The following GMPR2 variants were observed in gnomAD, a reference collection of about 807,000 sequenced individuals.
GMPR2 encodes guanosine monophosphate reductase 2, also known as GMP reductase 2.
A neutral mutation model predicts 38.5 loss-of-function variants in GMPR2; 32 were observed. The observed-to-expected ratio is 0.83, with a 90% CI of 0.63 to 1.12. The LOEUF (loss-of-function observed/expected upper bound fraction) is 1.12. GMPR2 is among the 50% of genes most tolerant of loss of function. The probability of loss-of-function intolerance (pLI) is 0.00; values close to 1 mark genes in which losing one functional copy is unlikely to be tolerated. For synonymous variants in GMPR2, 154 were observed against 151.0 expected, an observed-to-expected ratio of 1.02 and a Z score of -0.15; for missense variants, 396 against 432.1, an observed-to-expected ratio of 0.92 and a Z score of 0.74.
At chr14:24,236,628 G>A (rs1169288543) in intron 5 of GMPR2, among the ~76,000 whole-genome samples, 1 of 152,188 alleles carries the variant, frequency 6.6e-6, no homozygotes, top group Non-Finnish European at 1.5e-5. Context: ...AAGCCAGACA[G>A]GTTCTATGAC....
rs1406183825 is a variant in GMPR2 at position 24,239,176 on chromosome 14, C to T, written c.*398C>T. 1 of 371,238 alleles carries T rather than the reference C, an allele frequency of 2.7e-6. No individual in the cohort carries two copies. The highest frequency in any genetic ancestry group is 3.6e-5 in the Admixed American group (1 of 27,702). 23.0% of individuals were successfully genotyped at this position (371,238 alleles called of 1,614,324 possible). A position where few individuals can be genotyped will look rare whatever the true frequency, so the allele number is the denominator to read the frequency against. ...TTCACTAAATTGGACCTTCACATAT[C>T]TAAAAAGCTCTGAAGTGTTTGTATA... On this transcript the variant is annotated 3_prime_UTR_variant, in exon 10 of 10. Coordinates refer to ENST00000399440, the MANE Select transcript of GMPR2 (RefSeq NM_001002002.3).
chr14:24,233,821 G>A, intron 3 of GMPR2: 1 of 625,150 alleles, frequency 1.6e-6, no homozygotes, highest in Non-Finnish European at 2.8e-6. Context: ...CGATATTTCT[G>A]ATATATGAAC....
intron 8 of GMPR2, chr14:24,238,037 T>C (rs899139648): frequency 1.3e-5 from 7 of 537,074 alleles, no homozygotes; most frequent in African/African-American, 1.1e-4. Context: ...AGAGGCTCTT[T>C]TTTAAATCTT....
chr14:24,234,591 GATGCTTT>G (rs1344059348), intron 3 of GMPR2, among the ~76,000 whole-genome samples: 1 of 152,208 alleles, frequency 6.6e-6, no homozygotes, highest in Non-Finnish European at 1.5e-5. Flanking sequence ...GGACTGTCTT[GATGCTTT>G]ATGTGGAGCC....
Position 24,238,841 on chromosome 14 carries a change from C to A in GMPR2, c.*63C>A. On this transcript the variant is annotated 3_prime_UTR_variant, in exon 10 of 10. Transcript: ENST00000399440. Reference sequence around the variant, plus strand: ...TACCATGGGGCATCCCAAGTGGGGTCCTCACCCATCCCAGCTACTGCAGCT... The same window carrying A: ...TACCATGGGGCATCCCAAGTGGGGTACTCACCCATCCCAGCTACTGCAGCT... 7.4e-7 allele frequency: 1 copy of A among 1,356,212 alleles called. No homozygotes were observed. Among genetic ancestry groups the A allele is most frequent in the African/African-American group, 1.4e-5 (1 of 70,296 alleles). The allele number at this position is 1,356,212 out of a possible 1,614,324, so 84.0% of individuals were successfully genotyped here. A position where few individuals can be genotyped will look rare whatever the true frequency, so the allele number is the denominator to read the frequency against.
intron 3 of GMPR2, among the ~76,000 whole-genome samples, chr14:24,234,872 T>C (rs1340567062): frequency 6.6e-6 from 1 of 152,060 alleles, no homozygotes; most frequent in Non-Finnish European, 1.5e-5. Flanking sequence ...TTTAGCTAGA[T>C]ATTGTTGATC....
rs756303925 is a variant in GMPR2 at position 24,238,776 on chromosome 14, T to C, written c.1045T>C (p.Ter349GlnextTer2). Residue 349 changes from the stop codon to glutamine, a stop_lost, in exon 10 of 10, where the codon TAG becomes CAG. Coordinates refer to ENST00000399440, the MANE Select transcript of GMPR2 (RefSeq NM_001002002.3). ...GAATCCAATCTTCAGTGAGGCGTGC[T>C]AGACCTGAGCAGTTCTACCCTCCCA... Reference protein sequence around the residue: ...QVNPIFSEAC* With the variant: ...QVNPIFSEACQ The C allele has an allele frequency of 2.2e-5, 36 of 1,611,712 alleles. No homozygotes were observed. In the Admixed American group the frequency reaches 5.8e-4, roughly 26 times the overall value.
Position 24,237,160 on chromosome 14 carries a change from G to A in GMPR2, c.547+8G>A, listed in dbSNP as rs1208967844. ...AAGTGGGAATTGGGCCAGGTAAGCT[G>A]GTTCATTGGGGCCACTGGCTACCCC... On this transcript the variant is annotated splice_region_variant and intron_variant, in intron 6 of 9. Transcript: ENST00000399440. The A allele has an allele frequency of 6.3e-7, 1 of 1,581,562 alleles. No individual in the cohort carries two copies. The highest frequency in any genetic ancestry group is 8.7e-7 in the Non-Finnish European group (1 of 1,150,474).
At chr14:24,233,738 A>T in intron 3 of GMPR2, 140 bp downstream of exon 3, 1 of 912,444 alleles carries the variant, frequency 1.1e-6, no homozygotes, top group Non-Finnish European at 1.8e-6. Flanking sequence ...GGTTTTTTCC[A>T]CTACTGAAGC....
intron 3 of GMPR2, among the ~76,000 whole-genome samples, chr14:24,234,554 C>T (rs773430762): frequency 3.3e-5 from 5 of 152,154 alleles, no homozygotes; most frequent in Admixed American, 1.3e-4. Flanking sequence ...AGTTAACAGG[C>T]GTGCTGTAAT....
intron 3 of GMPR2, 105 bp downstream of exon 3, chr14:24,233,703 T>C: frequency 7.8e-7 from 1 of 1,282,206 alleles, no homozygotes; most frequent in Non-Finnish European, 1.1e-6. Flanking sequence ...CTCTGGCAGT[T>C]AGCAGTCAGG....
At chr14:24,237,186 C>G in intron 6 of GMPR2, 34 bp downstream of exon 6, 2 of 1,532,696 alleles carry the variant, frequency 1.3e-6, no homozygotes, top group South Asian at 1.1e-5. Flanking sequence ...TGGCTACCCC[C>G]CTTCAGTGGC....
intron 1 of GMPR2, 35 bp downstream of exon 1, chr14:24,233,012 T>C (rs1232510606): frequency 1.6e-6 from 1 of 623,998 alleles, no homozygotes; most frequent in Non-Finnish European, 2.8e-6. Context: ...CTCACAACCC[T>C]TTCCCAGCTC....
In GMPR2 at chr14:24,238,117, G is replaced by A. The variant is rs904709860; in HGVS notation, c.698-129G>A. 9 of 809,240 alleles carry A rather than the reference G, an allele frequency of 1.1e-5. No individual in the cohort carries two copies. In the Admixed American group the frequency reaches 1.9e-4, roughly 17 times the overall value. The allele number at this position is 809,240 out of a possible 1,614,324, so 50.1% of individuals were successfully genotyped here. On this transcript the variant is annotated intron_variant, in intron 8 of 9. Coordinates refer to ENST00000399440, the MANE Select transcript of GMPR2 (RefSeq NM_001002002.3). ...GCCTGCGTGGATTGTGGGTCAGCTA[G>A]GGAAGCAGAAGGAGGAAGACGCTGG...
chr14:24,233,486 T>C lies in GMPR2; in HGVS notation c.95T>C (p.Leu32Pro). 1 of 1,613,778 alleles carries C rather than the reference T, an allele frequency of 6.2e-7. No homozygotes were observed. Among genetic ancestry groups the C allele is most frequent in the African/African-American group, 1.3e-5 (1 of 75,018 alleles). The stretch of plus-strand genomic sequence containing the variant: ...TCCTGTTCATATCTGCAGGTGGATC[T>C]CACAAGATCCTTTTCATTTCGGAAC... ...STLKSRSEVD[L>P]TRSFSFRNSK... is the part of the protein sequence containing the mutation. Residue 32 changes from leucine to proline, a missense_variant, in exon 3 of 10, where the codon CTC becomes CCC. Physicochemically the swap from Leu to Pro is moderately conservative, Grantham distance 98. Coordinates refer to ENST00000399440, the MANE Select transcript of GMPR2 (RefSeq NM_001002002.3).
Position 24,234,026 on chromosome 14 carries a change from TATTA to T in GMPR2, c.207+432_207+435del, listed in dbSNP as rs1382606271. 40 of 1,089,090 alleles carry T rather than the reference TATTA, an allele frequency of 3.7e-5. No homozygotes were observed. The African/African-American group carries it at 5.0e-4, about 14-fold the overall frequency. The allele number at this position is 1,089,090 out of a possible 1,614,324, so 67.5% of individuals were successfully genotyped here. On this transcript the variant is annotated intron_variant, in intron 3 of 9. Transcript: ENST00000399440. ...CTAGAAGATCCTAGGAGAAGCAGCT[TATTA>T]ATTTTCTTTAATAAGAACAATTCAT...
chr14:24,238,869 G>C lies in GMPR2; in HGVS notation c.*91G>C. On this transcript the variant is annotated 3_prime_UTR_variant, in exon 10 of 10. Coordinates refer to ENST00000399440, the MANE Select transcript of GMPR2 (RefSeq NM_001002002.3). Reference sequence around the variant, plus strand: ...CACCCATCCCAGCTACTGCAGCTCTGTATTACTTTGTCATTTCCTGTTGTC... The same window carrying C: ...CACCCATCCCAGCTACTGCAGCTCTCTATTACTTTGTCATTTCCTGTTGTC... 2 of 1,042,332 alleles carry C rather than the reference G, an allele frequency of 1.9e-6. No individual in the cohort carries two copies. The highest frequency in any genetic ancestry group is 2.9e-6 in the Non-Finnish European group (2 of 684,054). 64.6% of individuals were successfully genotyped at this position (1,042,332 alleles called of 1,614,324 possible).
chr14:24,238,668 C>T lies in GMPR2; in HGVS notation c.937C>T (p.Arg313Cys), dbSNP rs190855112. The change falls in exon 10 of 10, where the codon CGC becomes TGC. Residue 313 changes from arginine (R) to cysteine (C), a missense_variant. Transcript: ENST00000399440. ...CATCCGAGACATCCTAGGAGGGATC[C>T]GCTCTACGTGTACCTATGTGGGAGC... is the stretch of plus-strand genomic sequence containing the variant. Reference protein sequence around the residue: ...HTIRDILGGIRSTCTYVGAAK... With the variant: ...HTIRDILGGICSTCTYVGAAK... The T allele has an allele frequency of 4.6e-5, 75 of 1,613,752 alleles. No individual in the cohort carries two copies. Among genetic ancestry groups the T allele is most frequent in the Middle Eastern group, 3.3e-4 (2 of 6,062 alleles).
At chr14:24,238,035 T>G in intron 8 of GMPR2, 1 of 536,728 alleles carries the variant, frequency 1.9e-6, no homozygotes, top group Non-Finnish European at 3.3e-6. Context: ...CCAGAGGCTC[T>G]TTTTTAAATC....
Sources: allele counts gnomAD v4.1 joint callset (sites outside exome capture counted in the v4.1 genomes callset), GRCh38; gene constraint gnomAD v4.1.1; transcripts MANE v1.5; gene names NCBI Gene and HGNC (gene_info 2026-07-23, HGNC 2026-07-21).